The following SLC35F4 variants were observed in gnomAD, a reference collection of about 807,000 sequenced individuals.
The protein encoded by SLC35F4 is solute carrier family 35 member F4, also known as chromosome 14 open reading frame 36.
Under a neutral mutation model 44.2 loss-of-function variants are expected in SLC35F4, and 24 were observed. The observed-to-expected ratio is 0.54, with a 90% CI of 0.39 to 0.76. The LOEUF (loss-of-function observed/expected upper bound fraction) is 0.76, where lower values mean the gene tolerates loss of function less well. SLC35F4 is among the 30% of genes least tolerant of loss of function. The pLI is 0.00. For missense variants in SLC35F4, 562 were observed against 586.1 expected, an observed-to-expected ratio of 0.96 and a Z score of 0.42; for synonymous variants, 238 against 223.6, an observed-to-expected ratio of 1.06 and a Z score of -0.57.
At position 57,564,513 on chromosome 14, in the gene SLC35F4, CA is replaced by C. The variant is rs1222287366; in HGVS notation, c.1217-138del. The C allele has an allele frequency of 5.4e-5, 68 of 1,265,514 alleles. No homozygotes were observed. In the African/African-American group the frequency reaches 9.5e-4, roughly 18 times the overall value. The allele number at this position is 1,265,514 out of a possible 1,614,324, so 78.4% of individuals were successfully genotyped here. ...TCCAAGTTAGTGTTTCCTTTTTCCACATTGCTAGGTTTGCTTTCCACTGCCT... is the reference window on the plus strand; with the variant it reads ...TCCAAGTTAGTGTTTCCTTTTTCCACTTGCTAGGTTTGCTTTCCACTGCCT... On this transcript the variant is annotated intron_variant, in intron 7 of 7. Coordinates refer to ENST00000556826, the MANE Select transcript of SLC35F4 (RefSeq NM_001306087.2).
At chr14:57,857,253 G>C (rs563053770) in intron 1 of SLC35F4, among the ~76,000 whole-genome samples, 7 of 151,634 alleles carry the variant, frequency 4.6e-5, no homozygotes, top group Non-Finnish European at 7.4e-5. Flanking sequence ...CTCCAGCCTG[G>C]GCAACACACC....
intron 1 of SLC35F4, among the ~76,000 whole-genome samples, chr14:57,625,724 G>A (rs2072441072): frequency 2.6e-5 from 4 of 152,158 alleles, no homozygotes; most frequent in Non-Finnish European, 5.9e-5. Context: ...TTAATAAATG[G>A]TGCTGGGAAA....
chr14:57,578,344 T>G (rs1008778627), intron 4 of SLC35F4, among the ~76,000 whole-genome samples: 2 of 132,434 alleles, frequency 1.5e-5, no homozygotes, highest in Admixed American at 7.8e-5. Context: ...TTTTTTTTTT[T>G]TTTTTTTTTT....
At chr14:57,833,024 G>A (rs139887402) in intron 1 of SLC35F4, among the ~76,000 whole-genome samples, 2 of 152,272 alleles carry the variant, frequency 1.3e-5, no homozygotes, top group East Asian at 3.9e-4. Flanking sequence ...CACGAGAGCA[G>A]GTGTCCCTGA....
At chr14:57,938,575 G>A (rs763414448) in intron 1 of SLC35F4, among the ~76,000 whole-genome samples, 2 of 152,208 alleles carry the variant, frequency 1.3e-5, no homozygotes, top group African/African-American at 2.4e-5. Flanking sequence ...AAGAAAAAAT[G>A]TTAAGGTGTT....
chr14:57,863,179 G>A (rs768844312), intron 1 of SLC35F4, among the ~76,000 whole-genome samples: 2 of 152,150 alleles, frequency 1.3e-5, no homozygotes, highest in Non-Finnish European at 2.9e-5. Context: ...AATCATCTTT[G>A]TATCCAGATT....
chr14:57,946,874 T>C (rs1890042904), intron 1 of SLC35F4, among the ~76,000 whole-genome samples: 2 of 152,182 alleles, frequency 1.3e-5, no homozygotes, highest in African/African-American at 2.4e-5. Context: ...AGCCTTGTAG[T>C]ATAGTTTGAA....
rs189108616 is a variant in SLC35F4 at position 57,782,291 on chromosome 14, A to G, written c.103+83432T>C. ...TTGAACTTCACACATCCCCTTATAC[A>G]TGGATTTTTTTTCAATATACTGGGA... On this transcript the variant is annotated intron_variant, in intron 1 of 7. Coordinates refer to ENST00000556826, the MANE Select transcript of SLC35F4 (RefSeq NM_001306087.2). Among the ~76,000 whole-genome samples, 14 of 139,174 alleles carry G rather than the reference A, an allele frequency of 1.0e-4. No individual in the cohort carries two copies. In the South Asian group the frequency reaches 1.9e-3, roughly 19 times the overall value. The allele number at this position is 139,174 out of a possible 152,430, so 91.3% of individuals were successfully genotyped here.
At chr14:57,726,774 G>A (rs1377105512) in intron 1 of SLC35F4, among the ~76,000 whole-genome samples, 1 of 152,158 alleles carries the variant, frequency 6.6e-6, no homozygotes, top group Non-Finnish European at 1.5e-5. Flanking sequence ...ACTGAAGGAT[G>A]CAAATTATTC....
intron 1 of SLC35F4, among the ~76,000 whole-genome samples, chr14:57,749,176 T>C (rs373004948): frequency 6.6e-6 from 1 of 152,196 alleles, no homozygotes; most frequent in African/African-American, 2.4e-5. Context: ...GTATGAATAC[T>C]CTCCAAATGT....
intron 1 of SLC35F4, among the ~76,000 whole-genome samples, chr14:57,842,732 G>T (rs956326343): frequency 1.3e-5 from 2 of 152,142 alleles, no homozygotes; most frequent in Non-Finnish European, 2.9e-5. Flanking sequence ...CTGCTCACCT[G>T]TGATGGTTAA....
chr14:57,668,363 T>A (rs1465151911), intron 1 of SLC35F4, among the ~76,000 whole-genome samples: 1 of 151,950 alleles, frequency 6.6e-6, no homozygotes, highest in Non-Finnish European at 1.5e-5. Flanking sequence ...TTTTGTCTTT[T>A]GTTGCCATTG....
chr14:57,705,617 C>T (rs2075652801), intron 1 of SLC35F4, among the ~76,000 whole-genome samples: 1 of 152,122 alleles, frequency 6.6e-6, no homozygotes, highest in Non-Finnish European at 1.5e-5. Flanking sequence ...ACTTCCATGA[C>T]CCCAGCTTGC....
intron 1 of SLC35F4, among the ~76,000 whole-genome samples, chr14:57,861,786 A>G (rs1387526621): frequency 6.6e-6 from 1 of 151,912 alleles, no homozygotes; most frequent in African/African-American, 2.4e-5. Flanking sequence ...TTTTCCTCCT[A>G]TCTCCCTGGA....
At chr14:57,834,756 A>G (rs1884727674) in intron 1 of SLC35F4, among the ~76,000 whole-genome samples, 1 of 152,258 alleles carries the variant, frequency 6.6e-6, no homozygotes, top group Non-Finnish European at 1.5e-5. Context: ...ACAGTGGCTC[A>G]TGCCTGTAAT....
intron 1 of SLC35F4, among the ~76,000 whole-genome samples, chr14:57,648,399 A>G (rs888138653): frequency 2.6e-5 from 4 of 152,244 alleles, no homozygotes; most frequent in Non-Finnish European, 5.9e-5. Context: ...AAAGAAGCCT[A>G]AAAGAGCAAT....
At chr14:57,922,658 G>A (rs74054803) in intron 1 of SLC35F4, among the ~76,000 whole-genome samples, 1 of 152,170 alleles carries the variant, frequency 6.6e-6, no homozygotes, top group South Asian at 2.1e-4. Context: ...ACAGTGAAAT[G>A]TAAAGTCAGA....
chr14:57,777,643 T>C (rs2077520731), intron 1 of SLC35F4, among the ~76,000 whole-genome samples: 1 of 151,348 alleles, frequency 6.6e-6, no homozygotes, highest in South Asian at 2.1e-4. Context: ...GGTGAGGGGC[T>C]GGGGGAGGGA....
At chr14:57,699,358 T>C (rs919206596) in intron 1 of SLC35F4, among the ~76,000 whole-genome samples, 3 of 152,178 alleles carry the variant, frequency 2.0e-5, no homozygotes, top group East Asian at 1.9e-4. Context: ...CCCAAGCTTT[T>C]ATTTTAACAC....
Sources: allele counts gnomAD v4.1 joint callset (sites outside exome capture counted in the v4.1 genomes callset), GRCh38; gene constraint gnomAD v4.1.1; transcripts MANE v1.5; gene names NCBI Gene and HGNC (gene_info 2026-07-23, HGNC 2026-07-21).